DPP6: variants seen among roughly 807,000 people sequenced by gnomAD.
DPP6 encodes A-type potassium channel modulatory protein DPP6.
DPP6 carries 69 observed loss-of-function variants against 122.6 expected under a neutral mutation model. The ratio of observed to expected loss-of-function variants is 0.56; its 90% CI spans 0.46 to 0.69. DPP6 has a LOEUF of 0.69. Among genes scored for constraint, DPP6 ranks in the 30% least tolerant of loss-of-function variants. The pLI is 0.00. For synonymous variants in DPP6, 418 were observed against 433.1 expected, an observed-to-expected ratio of 0.97 and a Z score of 0.43; for missense variants, 928 against 1,116.9, an observed-to-expected ratio of 0.83 and a Z score of 2.41.
chr7:154,458,025 G>T (rs1439743832), intron 2 of DPP6, among the ~76,000 whole-genome samples: 1 of 152,142 alleles, frequency 6.6e-6, no homozygotes, highest in Non-Finnish European at 1.5e-5. Flanking sequence ...GACGAAGGAG[G>T]AAATGGCAAA....
chr7:154,488,291 A>G (rs1183326790), intron 3 of DPP6, among the ~76,000 whole-genome samples: 1 of 152,080 alleles, frequency 6.6e-6, no homozygotes, highest in Non-Finnish European at 1.5e-5. Flanking sequence ...GATCGAGACC[A>G]TCCTGGCTGA....
At chr7:153,945,614 C>T (rs1801915334) in intron 1 of DPP6, among the ~76,000 whole-genome samples, 1 of 152,140 alleles carries the variant, frequency 6.6e-6, no homozygotes, top group African/African-American at 2.4e-5. Flanking sequence ...GAAGGGTGCT[C>T]TTCCTACTTT....
intron 5 of DPP6, among the ~76,000 whole-genome samples, chr7:154,578,506 CTTGG>C (rs1831833364): frequency 1.2e-3 from 2 of 1,676 alleles, no homozygotes. Flanking sequence ...GCTATTCGGG[CTTGG>C]CAGGGGCTAT....
At chr7:154,628,881 C>T (rs545978426) in intron 5 of DPP6, among the ~76,000 whole-genome samples, 30 of 152,262 alleles carry the variant, frequency 2.0e-4, no homozygotes, top group East Asian at 7.7e-4. Context: ...TGTGGCAATT[C>T]GCGAAGTATT....
chr7:154,279,319 A>G (rs1043715856), intron 1 of DPP6, among the ~76,000 whole-genome samples: 4 of 152,184 alleles, frequency 2.6e-5, no homozygotes, highest in African/African-American at 9.7e-5. Flanking sequence ...AGTATGGTGA[A>G]TCCATCTAGG....
At chr7:154,621,493 C>G (rs1298217715) in intron 5 of DPP6, among the ~76,000 whole-genome samples, 1 of 152,144 alleles carries the variant, frequency 6.6e-6, no homozygotes, top group Non-Finnish European at 1.5e-5. Flanking sequence ...CTCAGCCTCC[C>G]AAGTAGCTGG....
intron 1 of DPP6, among the ~76,000 whole-genome samples, chr7:153,928,398 T>TTTTTTTTTTTTTTTTTTTTTTC (rs1801018809): frequency 2.6e-5 from 1 of 38,984 alleles, no homozygotes; most frequent in East Asian, 2.4e-3. Context: ...TTTCTTTCAT[T>TTTTTTTTTTTTTTTTTTTTTTC]TTTTTTTTTT....
intron 1 of DPP6, among the ~76,000 whole-genome samples, chr7:154,411,082 G>A (rs1336554255): frequency 2.0e-5 from 3 of 152,120 alleles, no homozygotes; most frequent in Admixed American, 6.5e-5. Flanking sequence ...AAGGACATCC[G>A]TCTCCACCTT....
At chr7:154,857,408 T>C (rs2150587849) in intron 17 of DPP6, among the ~76,000 whole-genome samples, 1 of 152,266 alleles carries the variant, frequency 6.6e-6, no homozygotes, top group Middle Eastern at 3.4e-3. Context: ...TGGCTTTGAG[T>C]CCACCTGGGA....
chr7:153,972,302 C>T (rs1796061383), intron 1 of DPP6, among the ~76,000 whole-genome samples: 1 of 150,872 alleles, frequency 6.6e-6, no homozygotes, highest in Admixed American at 6.6e-5. Flanking sequence ...TTAGGTTGAC[C>T]TGGGGAGTGT....
intron 1 of DPP6, among the ~76,000 whole-genome samples, chr7:154,319,371 T>G (rs938964784): frequency 6.6e-6 from 1 of 152,228 alleles, no homozygotes; most frequent in African/African-American, 2.4e-5. Context: ...GCTTTATATT[T>G]GTATAACGCT....
chr7:154,229,719 T>C (rs1005592065), intron 1 of DPP6, among the ~76,000 whole-genome samples: 4 of 152,202 alleles, frequency 2.6e-5, no homozygotes, highest in African/African-American at 4.8e-5. Context: ...AGCTTCACCA[T>C]AAATTTGATG....
At chr7:153,804,487 G>A in the DPP6 span, among the ~76,000 whole-genome samples, 1 of 152,280 alleles carries the variant, frequency 6.6e-6, no homozygotes, top group African/African-American at 2.4e-5. Context: ...TCAGGGAAAG[G>A]TGATGATATT....
rs557654217 is a variant in DPP6, at chr7:154,031,685, G to T, written c.51+143951G>T. ...GATTCCCTTCTCAAGAGTCATTCAG[G>T]GGCACGACCTAAAGGAACGAGCTTT... is the stretch of plus-strand genomic sequence containing the variant. On this transcript the variant is annotated intron_variant, in intron 1 of 25. Transcript: ENST00000404039. Among the ~76,000 whole-genome samples the T allele has an allele frequency of 4.6e-5, 7 of 151,948 alleles. No individual in the cohort carries two copies. The East Asian group carries it at 7.8e-4, about 17-fold the overall frequency.
chr7:154,661,808 G>A (rs1298652447), intron 6 of DPP6, among the ~76,000 whole-genome samples: 1 of 144,112 alleles, frequency 6.9e-6, no homozygotes, highest in Non-Finnish European at 1.5e-5. Context: ...TGGCGTGTTG[G>A]CCCTAGTGTT....
intron 1 of DPP6, among the ~76,000 whole-genome samples, chr7:154,087,382 G>C (rs942364434): frequency 6.6e-6 from 1 of 152,170 alleles, no homozygotes; most frequent in African/African-American, 2.4e-5. Flanking sequence ...GAGCTGAACT[G>C]TGCTTTTCAA....
intron 1 of DPP6, among the ~76,000 whole-genome samples, chr7:154,143,742 TCTAA>T (rs1337601087): frequency 2.6e-5 from 4 of 151,194 alleles, no homozygotes; most frequent in South Asian, 2.1e-4. Flanking sequence ...GTTTTATGTC[TCTAA>T]CTACACATTT....
intron 1 of DPP6, among the ~76,000 whole-genome samples, chr7:154,033,658 G>A (rs1462946359): frequency 6.6e-6 from 1 of 152,188 alleles, no homozygotes; most frequent in Non-Finnish European, 1.5e-5. Flanking sequence ...TTCTCATTGT[G>A]AGTGATTCCA....
chr7:153,808,356 T>G, the DPP6 span, among the ~76,000 whole-genome samples: 1 of 151,720 alleles, frequency 6.6e-6, no homozygotes, highest in Non-Finnish European at 1.5e-5. Flanking sequence ...CGTGTGTGTG[T>G]GGGCATGCCT....
Sources: gnomAD v4.1 joint callset for allele counts (sites outside exome capture counted in the v4.1 genomes callset) on GRCh38, gnomAD v4.1.1 for gene constraint, MANE v1.5 for transcripts, NCBI Gene and HGNC (gene_info 2026-07-23, HGNC 2026-07-21) for gene names.